The following SI variants were observed in gnomAD, a reference collection of about 807,000 sequenced individuals.
The protein encoded by SI is sucrase-isomaltase.
Under a neutral mutation model 253.3 loss-of-function variants are expected in SI, and 235 were observed. The ratio of observed to expected loss-of-function variants is 0.93; its 90% CI spans 0.83 to 1.03. SI has a LOEUF of 1.03. Among genes scored for constraint, SI ranks in the 50% least tolerant of loss-of-function variants. The pLI, the probability that SI is intolerant of heterozygous loss-of-function variation, is 0.00. For missense variants in SI, 2,442 were observed against 2,211.1 expected (o/e 1.10, Z -2.09); for synonymous variants, 819 against 712.0 (o/e 1.15, Z -2.39).
chr3:165,052,471 C>T lies in SI; in HGVS notation c.1513-2596G>A, dbSNP rs188647946. ...AGGAGTTCCAGACCAGCCTGGCCAA[C>T]ATGGCAAAACCCCGTCTCTACTAAA... On this transcript the variant is annotated intron_variant, in intron 13 of 47. Coordinates refer to ENST00000264382, the MANE Select transcript of SI (RefSeq NM_001041.4). 1.7e-3 allele frequency among the ~76,000 whole-genome samples: 263 copies of T among 152,220 alleles called. 7 individuals are homozygous for T. Among genetic ancestry groups the T allele is most frequent in the Admixed American group, 0.015 (233 of 15,266 alleles).
intron 22 of SI, among the ~76,000 whole-genome samples, chr3:165,033,737 A>T (rs1388645184): frequency 6.6e-6 from 1 of 151,612 alleles, no homozygotes; most frequent in East Asian, 1.9e-4. Flanking sequence ...AGTAAATAAT[A>T]TATAATTAAA....
At chr3:165,004,428 TTCAGCAGTCCTGCTGC>T (rs1360310460) in intron 37 of SI, among the ~76,000 whole-genome samples, 1 of 152,150 alleles carries the variant, frequency 6.6e-6, no homozygotes, top group African/African-American at 2.4e-5. Flanking sequence ...TACTATATGA[TTCAGCAGTCCTGCTGC>T]TGAATATGCA....
intron 25 of SI, among the ~76,000 whole-genome samples, chr3:165,024,262 C>A (rs537891092): frequency 1.3e-5 from 2 of 151,300 alleles, no homozygotes; most frequent in South Asian, 4.1e-4. Flanking sequence ...ACATCCTGAC[C>A]TGGATTTGAA....
At chr3:164,991,060 G>T (rs928497268) in intron 44 of SI, among the ~76,000 whole-genome samples, 2 of 152,086 alleles carry the variant, frequency 1.3e-5, no homozygotes, top group African/African-American at 4.8e-5. Context: ...TAAACCTGGG[G>T]TTCCTTATTT....
chr3:165,007,330 AT>A (rs563346111), intron 36 of SI, among the ~76,000 whole-genome samples: 15 of 152,052 alleles, frequency 9.9e-5, no homozygotes, highest in African/African-American at 3.4e-4. Flanking sequence ...TCAGTTTAAG[AT>A]TTTTTTCCAG....
At chr3:165,034,901 A>G (rs1464727263) in intron 22 of SI, among the ~76,000 whole-genome samples, 2 of 152,050 alleles carry the variant, frequency 1.3e-5, no homozygotes, top group Admixed American at 1.3e-4. Flanking sequence ...AGGGGTTAAA[A>G]AGAGCTACAG....
chr3:165,036,895 G>A (rs758175053), intron 21 of SI, among the ~76,000 whole-genome samples: 150 of 151,358 alleles, frequency 9.9e-4, no homozygotes, highest in Admixed American at 2.5e-3. Flanking sequence ...TTTAAAAAAA[G>A]TTTAGTGGAA....
intron 12 of SI, among the ~76,000 whole-genome samples, chr3:165,056,171 C>T (rs574256751): frequency 1.3e-5 from 2 of 152,156 alleles, no homozygotes; most frequent in East Asian, 3.9e-4. Flanking sequence ...CTGATCTGTC[C>T]ATAAGGAACA....
At chr3:165,066,257 T>C (rs1302772035) in intron 6 of SI, among the ~76,000 whole-genome samples, 1 of 151,912 alleles carries the variant, frequency 6.6e-6, no homozygotes, top group Non-Finnish European at 1.5e-5. Flanking sequence ...CAATTTTATA[T>C]AAGGAACTTG....
Position 164,992,531 on chromosome 3 carries a change from TA to T in SI, c.4842-135del. 1.1e-5 allele frequency: 7 copies of T among 651,824 alleles called. No individual in the cohort carries two copies. The South Asian group carries it at 1.4e-4, about 13-fold the overall frequency. 40.4% of individuals were successfully genotyped at this position (651,824 alleles called of 1,614,324 possible). On this transcript the variant is annotated intron_variant, in intron 41 of 47. Coordinates refer to ENST00000264382, the MANE Select transcript of SI (RefSeq NM_001041.4). ...AATAAAAACAAAACTGTAAAAAAAT[TA>T]AAAAATATATCAGTTGGAATGTAAT...
chr3:165,018,121 T>A, intron 28 of SI, 55 bp from the exon 29 acceptor site: 1 of 1,004,268 alleles, frequency 1.0e-6, no homozygotes, highest in Non-Finnish European at 1.6e-6. Context: ...CATGTGAATT[T>A]AATCAATGTT....
chr3:165,038,704 T>C (rs1712666200), intron 20 of SI, among the ~76,000 whole-genome samples: 1 of 151,968 alleles, frequency 6.6e-6, no homozygotes, highest in African/African-American at 2.4e-5. Flanking sequence ...AAAACAAATA[T>C]ATAAGACTAG....
intron 17 of SI, among the ~76,000 whole-genome samples, chr3:165,042,610 A>G (rs1477983992): frequency 6.6e-6 from 1 of 151,956 alleles, no homozygotes; most frequent in Non-Finnish European, 1.5e-5. Flanking sequence ...AAGACGCTGG[A>G]CTCTAATTGT....
intron 21 of SI, 149 bp downstream of exon 21, chr3:165,037,751 A>G (rs1385669185): frequency 4.4e-6 from 2 of 454,488 alleles, no homozygotes; most frequent in East Asian, 6.8e-5. Flanking sequence ...TTCTTTTTAT[A>G]GCTATGATGG....
chr3:165,034,272 G>T (rs530461425), intron 22 of SI, among the ~76,000 whole-genome samples: 1 of 151,890 alleles, frequency 6.6e-6, no homozygotes, highest in East Asian at 1.9e-4. Flanking sequence ...TATCATATTA[G>T]ATAACTGATT....
rs1211808383 is a variant in SI, at chr3:164,978,966, T to C, written c.*396A>G. 4 of 153,114 alleles carry C rather than the reference T, an allele frequency of 2.6e-5. No homozygotes were observed. The highest frequency in any genetic ancestry group is 9.6e-5 in the African/African-American group (4 of 41,556). 9.5% of individuals were successfully genotyped at this position (153,114 alleles called of 1,614,324 possible). ...ACTAAGAAGTAATTAAATCTTCAAA[T>C]AATTGTTGTTACATATCTTAAATCT... On this transcript the variant is annotated 3_prime_UTR_variant, in exon 48 of 48. Transcript: ENST00000264382.
intron 28 of SI, among the ~76,000 whole-genome samples, chr3:165,018,894 G>A (rs1195491608): frequency 6.6e-6 from 1 of 151,574 alleles, no homozygotes; most frequent in Non-Finnish European, 1.5e-5. Context: ...AGCTGTTTGA[G>A]CACCTAACAA....
At chr3:165,054,752 C>T (rs575096458) in intron 13 of SI, among the ~76,000 whole-genome samples, 27 of 152,024 alleles carry the variant, frequency 1.8e-4, no homozygotes, top group Non-Finnish European at 1.2e-4. Context: ...TTTATTTATT[C>T]TCTTCCATAG....
intron 21 of SI, 88 bp downstream of exon 21, chr3:165,037,812 T>C (rs1712604110): frequency 1.0e-6 from 1 of 967,836 alleles, no homozygotes; most frequent in Non-Finnish European, 1.6e-6. Flanking sequence ...GTGCAGAAAC[T>C]AAATATTATC....
Sources: gnomAD v4.1 joint callset for allele counts (sites outside exome capture counted in the v4.1 genomes callset) on GRCh38, gnomAD v4.1.1 for gene constraint, MANE v1.5 for transcripts, NCBI Gene and HGNC (gene_info 2026-07-23, HGNC 2026-07-21) for gene names.